The following ZNF362 variants were observed in gnomAD, a reference collection of about 807,000 sequenced individuals.
ZNF362 encodes the protein zinc finger protein 362, also known as rotund homolog.
A neutral mutation model predicts 42.9 loss-of-function variants in ZNF362; 11 were observed. That is an observed-to-expected ratio of 0.26 (90% confidence interval 0.16 to 0.42). ZNF362 has a LOEUF of 0.42. Among genes scored for constraint, ZNF362 ranks in the 20% least tolerant of loss-of-function variants. The pLI, the probability that ZNF362 is intolerant of heterozygous loss-of-function variation, is 1.00. For synonymous variants in ZNF362, 255 were observed against 257.3 expected (o/e 0.99, Z 0.09); for missense variants, 362 against 576.2 (o/e 0.63, Z 3.81).
At chr1:33,139,783 C>A in the ZNF362 span, among the ~76,000 whole-genome samples, 19 of 152,206 alleles carry the variant, frequency 1.2e-4, no homozygotes, top group East Asian at 3.3e-3. Context: ...AGGATGGGGG[C>A]AAGAGTGGGA....
upstream of ZNF362, among the ~76,000 whole-genome samples, chr1:33,255,144 T>C (rs1159915876): frequency 2.0e-5 from 3 of 152,252 alleles, no homozygotes; most frequent in African/African-American, 7.2e-5. Context: ...AAGCAGTCCC[T>C]ATGGGCCCTG....
At chr1:33,209,784 T>A in the ZNF362 span, among the ~76,000 whole-genome samples, 2 of 152,222 alleles carry the variant, frequency 1.3e-5, no homozygotes, top group Non-Finnish European at 2.9e-5. Context: ...CTTTATCATT[T>A]TTTATTGCAT....
the ZNF362 span, among the ~76,000 whole-genome samples, chr1:33,136,402 G>T: frequency 7.1e-6 from 1 of 140,394 alleles, no homozygotes; most frequent in East Asian, 2.1e-4. Flanking sequence ...ATAGTGCCTC[G>T]CCATCACCCA....
Position 33,281,950 on chromosome 1 carries a change from C to T in ZNF362, c.908+139C>T. 2 of 776,600 alleles carry T rather than the reference C, an allele frequency of 2.6e-6. No individual in the cohort carries two copies. Among genetic ancestry groups the T allele is most frequent in the Non-Finnish European group, 2.1e-6 (1 of 479,838 alleles). The allele number at this position is 776,600 out of a possible 1,614,324, so 48.1% of individuals were successfully genotyped here. On this transcript the variant is annotated intron_variant, in intron 6 of 8. Transcript: ENST00000539719. This position sits in a 1 kb window ranked among gnomAD's most constrained non-coding sequence, Gnocchi z 4.8. Reference sequence around the variant, plus strand: ...TCGGGGTCACGGCCCTTGTGGACCTCACTGGCCTCAGCTGTTGTTACTGCA... The same window carrying T: ...TCGGGGTCACGGCCCTTGTGGACCTTACTGGCCTCAGCTGTTGTTACTGCA...
At chr1:33,249,924 C>G in the ZNF362 span, among the ~76,000 whole-genome samples, 1 of 152,200 alleles carries the variant, frequency 6.6e-6, no homozygotes, top group Non-Finnish European at 1.5e-5. Context: ...CCTAAAGTCA[C>G]TATCTTTAAA....
chr1:33,187,409 C>T, the ZNF362 span, among the ~76,000 whole-genome samples: 2 of 152,168 alleles, frequency 1.3e-5, no homozygotes, highest in Admixed American at 6.5e-5. Context: ...TGTTCTGTCA[C>T]TGCTTCTTTG....
At position 33,294,318 on chromosome 1, in the gene ZNF362, C is replaced by G. The variant is rs1646101355; in HGVS notation, c.909-619C>G. Among the ~76,000 whole-genome samples the G allele has an allele frequency of 6.6e-6, 1 of 152,178 alleles. No homozygotes were observed. Among genetic ancestry groups the G allele is most frequent in the African/African-American group, 2.4e-5 (1 of 41,440 alleles). On this transcript the variant is annotated intron_variant, in intron 6 of 8. Coordinates refer to ENST00000539719, the MANE Select transcript of ZNF362 (RefSeq NM_152493.3). This position sits in a 1 kb window ranked among gnomAD's most constrained non-coding sequence, Gnocchi z 4.2. ...CAGTGGTTTGTCCAAGGTCACCCAG[C>G]TGGTTAATAGCCAGGATGAGAACCC...
At chr1:33,173,444 T>G in the ZNF362 span, among the ~76,000 whole-genome samples, 1 of 152,152 alleles carries the variant, frequency 6.6e-6, no homozygotes, top group African/African-American at 2.4e-5. Context: ...TGTGTATGTG[T>G]GTGTGTGCAT....
chr1:33,291,198 G>A (rs1371177476), intron 6 of ZNF362, among the ~76,000 whole-genome samples: 2 of 152,110 alleles, frequency 1.3e-5, no homozygotes, highest in African/African-American at 4.8e-5. Flanking sequence ...ATGGTTTTAG[G>A]TCTAACATTT....
At chr1:33,189,334 C>T in the ZNF362 span, among the ~76,000 whole-genome samples, 1 of 152,100 alleles carries the variant, frequency 6.6e-6, no homozygotes, top group African/African-American at 2.4e-5. Flanking sequence ...GGGCCTGCTT[C>T]TGTAGTTTAT....
At chr1:33,247,394 G>A in the ZNF362 span, among the ~76,000 whole-genome samples, 1 of 152,228 alleles carries the variant, frequency 6.6e-6, no homozygotes, top group African/African-American at 2.4e-5. Flanking sequence ...GCAGGGCTGC[G>A]GCTATCTTCC....
chr1:33,138,015 G>A, the ZNF362 span, among the ~76,000 whole-genome samples: 327 of 152,324 alleles, frequency 2.1e-3, no homozygotes, highest in African/African-American at 7.5e-3. Flanking sequence ...AGGTGGCGCC[G>A]GAGAAGTTGC....
rs1458284003 is a variant in ZNF362 at position 33,295,376 on chromosome 1, A to G, written c.1146+71A>G. On this transcript the variant is annotated intron_variant, in intron 8 of 8. Transcript: ENST00000539719. Reference sequence around the variant, plus strand: ...TCTTCCAGGCCTCAGTTGCTTCCCCATTGTCAGATCTGTGTCGACTCTTCC... The same window carrying G: ...TCTTCCAGGCCTCAGTTGCTTCCCCGTTGTCAGATCTGTGTCGACTCTTCC... 3.9e-6 allele frequency: 6 copies of G among 1,550,704 alleles called. No homozygotes were observed. In the African/African-American group the frequency reaches 4.1e-5, roughly 11 times the overall value.
the ZNF362 span, among the ~76,000 whole-genome samples, chr1:33,243,461 C>A: frequency 6.6e-6 from 1 of 152,094 alleles, no homozygotes. Flanking sequence ...GCTGGAATTA[C>A]AAGTGTGAGC....
At chr1:33,290,312 C>T (rs10753279) in intron 6 of ZNF362, among the ~76,000 whole-genome samples, 150,908 of 151,858 alleles carry the variant, frequency 0.99, 74,989 homozygotes, top group East Asian at 1. Flanking sequence ...GAACATGCGG[C>T]GTTTGGTTTT....
chr1:33,262,297 CTTTTTTTT>C (rs55730909), intron 1 of ZNF362, among the ~76,000 whole-genome samples: 23 of 48,154 alleles, frequency 4.8e-4, no homozygotes, highest in East Asian at 6.7e-4. Flanking sequence ...CTTTAGGATT[CTTTTTTTT>C]TTTTTTTTTT....
chr1:33,280,020 A>C lies in ZNF362; in HGVS notation c.350-104A>C. The C allele has an allele frequency of 7.3e-7, 1 of 1,364,150 alleles. No homozygotes were observed. The highest frequency in any genetic ancestry group is 9.7e-7 in the Non-Finnish European group (1 of 1,027,240). 84.5% of individuals were successfully genotyped at this position (1,364,150 alleles called of 1,614,324 possible). The stretch of plus-strand genomic sequence containing the variant: ...GTTACCCCTGGGTAATAACTTATGA[A>C]CGTTAAGGGGATGCTCGCCTGCCAA... On this transcript the variant is annotated intron_variant, in intron 4 of 8. Coordinates refer to ENST00000539719, the MANE Select transcript of ZNF362 (RefSeq NM_152493.3). The surrounding 1 kb of genome is among the most constrained non-coding windows in gnomAD (Gnocchi z 5.6).
At chr1:33,287,662 A>G (rs1032913761) in intron 6 of ZNF362, among the ~76,000 whole-genome samples, 3 of 152,180 alleles carry the variant, frequency 2.0e-5, no homozygotes, top group Admixed American at 1.3e-4. Context: ...GAGTGATGTT[A>G]TGTACATGCC....
the ZNF362 span, among the ~76,000 whole-genome samples, chr1:33,244,423 G>A: frequency 1.3e-5 from 2 of 152,188 alleles, no homozygotes; most frequent in African/African-American, 4.8e-5. The surrounding 1 kb of genome is among the most constrained non-coding windows in gnomAD (Gnocchi z 4.0). Flanking sequence ...TGTTTATTGA[G>A]TACAGAGTAT....
Sources: allele counts gnomAD v4.1 joint callset (sites outside exome capture counted in the v4.1 genomes callset), GRCh38; gene constraint gnomAD v4.1.1; non-coding constraint Gnocchi (gnomAD v3.1); transcripts MANE v1.5; gene names NCBI Gene and HGNC (gene_info 2026-07-23, HGNC 2026-07-21).